The following DAAM2 variants were observed in gnomAD, a reference collection of about 807,000 sequenced individuals.
DAAM2 encodes the protein dishevelled associated activator of morphogenesis 2.
A neutral mutation model predicts 120.7 loss-of-function variants in DAAM2; 39 were observed. The ratio of observed to expected loss-of-function variants is 0.32; its 90% CI spans 0.25 to 0.42. The LOEUF (loss-of-function observed/expected upper bound fraction) is 0.42, where lower values mean the gene tolerates loss of function less well. Ranked by LOEUF, DAAM2 falls within the 10% of genes least tolerant of loss-of-function variation. The pLI is 1.00. For synonymous variants in DAAM2, 488 were observed against 524.9 expected (o/e 0.93, Z 0.96); for missense variants, 1,283 against 1,401.7 (o/e 0.92, Z 1.35).
chr6:39,813,558 C>CT (rs891474070), intron 1 of DAAM2, among the ~76,000 whole-genome samples: 2 of 151,742 alleles, frequency 1.3e-5, no homozygotes, highest in African/African-American at 4.8e-5. Flanking sequence ...TATGAAGTTG[C>CT]TTTTTTTAAA....
At chr6:39,892,305 A>G (rs57974621) in intron 19 of DAAM2, among the ~76,000 whole-genome samples, 7,453 of 152,276 alleles carry the variant, frequency 0.049, 535 homozygotes, top group East Asian at 0.2. Flanking sequence ...TTTGGTCATC[A>G]CAGCAATCGC....
chr6:39,886,657 T>C, intron 15 of DAAM2: 2 of 390,956 alleles, frequency 5.1e-6, no homozygotes, highest in Non-Finnish European at 9.0e-6. Flanking sequence ...GCAGTGGAGG[T>C]CAATGTCTCC....
intron 8 of DAAM2, 45 bp from the exon 9 acceptor site, chr6:39,871,461 T>C (rs1229841527): frequency 1.3e-6 from 2 of 1,520,976 alleles, no homozygotes; most frequent in East Asian, 4.9e-5. Flanking sequence ...CAAGGGTGTG[T>C]CCTGGCTGTA....
At chr6:39,829,711 T>C (rs912698343) in intron 1 of DAAM2, among the ~76,000 whole-genome samples, 15 of 152,210 alleles carry the variant, frequency 9.9e-5, no homozygotes, top group African/African-American at 3.6e-4. Flanking sequence ...CTGCCATATA[T>C]GCCTGTCCTC....
intron 1 of DAAM2, among the ~76,000 whole-genome samples, chr6:39,817,721 C>T (rs1762349292): frequency 6.6e-6 from 1 of 152,158 alleles, no homozygotes; most frequent in Non-Finnish European, 1.5e-5. Flanking sequence ...GATGTTGCAG[C>T]TCAAGACTGA....
Position 39,865,036 on chromosome 6 carries a change from G to A in DAAM2, c.390G>A (p.Val130=). The A allele has an allele frequency of 6.2e-7, 1 of 1,606,506 alleles. No individual in the cohort carries two copies. The highest frequency in any genetic ancestry group is 1.1e-5 in the South Asian group (1 of 89,078). Residue 130 remains valine (V), a synonymous_variant, in exon 5 of 25, where the codon GTG becomes GTA. Transcript: ENST00000274867. ...AGACGGAGATGAGGAACCAAGTCGT[G>A]GAAGACCTGAAGACAGCCCTCCGGA... The part of the protein sequence containing the change: ...EEETEMRNQV[V]EDLKTALRTQ...
chr6:39,901,450 G>T lies in DAAM2; in HGVS notation c.2960G>T (p.Arg987Leu), dbSNP rs375987274. The change falls in exon 24 of 25, where the codon CGG becomes CTG. Residue 987 changes from arginine to leucine, a missense_variant. Physicochemically the swap from Arg to Leu is moderately radical, Grantham distance 102. Coordinates refer to ENST00000274867, the MANE Select transcript of DAAM2 (RefSeq NM_001201427.2). The surrounding 1 kb of genome is among the most constrained non-coding windows in gnomAD (Gnocchi z 4.5). ...AGGAGGAGGAAGGAGGAGGAGGAGC[G>T]GCGGGCGCGCATGGAAGCCATGGTG... The part of the protein sequence containing the change: ...AMRRRKEEEE[R>L]RARMEAMLKE... The T allele has an allele frequency of 8.7e-6, 14 of 1,610,152 alleles. No individual in the cohort carries two copies. Among genetic ancestry groups the T allele is most frequent in the Non-Finnish European group, 1.2e-5 (14 of 1,179,706 alleles).
intron 1 of DAAM2, among the ~76,000 whole-genome samples, chr6:39,828,498 C>T (rs1186416302): frequency 1.3e-5 from 2 of 151,870 alleles, no homozygotes; most frequent in African/African-American, 4.8e-5. Context: ...GGGAAGAACA[C>T]TGTGTCCTTA....
At chr6:39,815,651 TACACACACACAC>T (rs56736428) in intron 1 of DAAM2, among the ~76,000 whole-genome samples, 132 of 149,072 alleles carry the variant, frequency 8.9e-4, no homozygotes, top group Middle Eastern at 3.4e-3. Context: ...ACCCCTGGTT[TACACACACACAC>T]ACACACACAC....
At chr6:39,820,156 G>C (rs1048445705) in intron 1 of DAAM2, 1 of 143,410 alleles carries the variant, frequency 7.0e-6, no homozygotes, top group Non-Finnish European at 1.5e-5. Context: ...CAGCGTGCTG[G>C]AGAGGCTTAT....
chr6:39,880,734 A>C (rs933447708), intron 14 of DAAM2, among the ~76,000 whole-genome samples: 3 of 152,202 alleles, frequency 2.0e-5, no homozygotes, highest in Non-Finnish European at 4.4e-5. Flanking sequence ...GATGAAGCAT[A>C]AACACAGTCC....
chr6:39,900,352 A>G, intron 23 of DAAM2, 144 bp downstream of exon 23: 1 of 926,748 alleles, frequency 1.1e-6, no homozygotes, highest in Non-Finnish European at 1.6e-6. Context: ...GCTCTTAACA[A>G]GACAAGCAAT....
intron 15 of DAAM2, 107 bp from the exon 16 acceptor site, chr6:39,887,379 C>A: frequency 1.4e-6 from 1 of 716,500 alleles, no homozygotes; most frequent in South Asian, 1.8e-5. Context: ...CCCTTCCCCT[C>A]ACACCAGGAG....
chr6:39,858,141 G>A (rs958933556), intron 2 of DAAM2, among the ~76,000 whole-genome samples: 1 of 152,184 alleles, frequency 6.6e-6, no homozygotes, highest in African/African-American at 2.4e-5. Context: ...GAAAGGAGCT[G>A]GGTCCTTTTG....
chr6:39,871,305 C>T (rs951930049), intron 8 of DAAM2, among the ~76,000 whole-genome samples: 1 of 152,072 alleles, frequency 6.6e-6, no homozygotes, highest in Non-Finnish European at 1.5e-5. Flanking sequence ...GATTGGCCTC[C>T]CTGAAGGAAG....
In DAAM2 at chr6:39,896,807, C is replaced by A; in HGVS notation, c.2342-5C>A. On this transcript the variant is annotated splice_polypyrimidine_tract_variant and splice_region_variant and intron_variant, in intron 19 of 24. Transcript: ENST00000274867. ...CAGGCCTCTGACCTGTGCCTCCTCT[C>A]CCAGCCATCCTGTTGGCCTCCCGGG... 1 of 1,585,510 alleles carries A rather than the reference C, an allele frequency of 6.3e-7. No individual in the cohort carries two copies. The highest frequency in any genetic ancestry group is 1.2e-5 in the South Asian group (1 of 86,656).
intron 1 of DAAM2, among the ~76,000 whole-genome samples, chr6:39,817,594 G>A (rs1413219390): frequency 1.3e-5 from 2 of 152,136 alleles, no homozygotes; most frequent in Non-Finnish European, 2.9e-5. Context: ...AGAACCAATA[G>A]GATCTCTCTC....
chr6:39,901,676 G>A lies in DAAM2; in HGVS notation c.2983-137G>A. 1.0e-6 allele frequency: 1 copy of A among 999,034 alleles called. No homozygotes were observed. The highest frequency in any genetic ancestry group is 1.4e-6 in the Non-Finnish European group (1 of 701,122). The allele number at this position is 999,034 out of a possible 1,614,324, so 61.9% of individuals were successfully genotyped here. A position where few individuals can be genotyped will look rare whatever the true frequency, so the allele number is the denominator to read the frequency against. ...TGAAGCTGGGGGCCTGTATGTCCTAGGCAGGAAGAAAGTGGGGCCAACAGA... is the reference window on the plus strand; with the variant it reads ...TGAAGCTGGGGGCCTGTATGTCCTAAGCAGGAAGAAAGTGGGGCCAACAGA... On this transcript the variant is annotated intron_variant, in intron 24 of 24. Transcript: ENST00000274867. The surrounding 1 kb of genome is among the most constrained non-coding windows in gnomAD (Gnocchi z 4.5).
chr6:39,896,001 A>T (rs1185975699), intron 19 of DAAM2, among the ~76,000 whole-genome samples: 1 of 152,182 alleles, frequency 6.6e-6, no homozygotes, highest in Non-Finnish European at 1.5e-5. Context: ...GAACAAAAAT[A>T]ATAGAATATT....
Sources: allele counts gnomAD v4.1 joint callset (sites outside exome capture counted in the v4.1 genomes callset), GRCh38; gene constraint gnomAD v4.1.1; non-coding constraint Gnocchi (gnomAD v3.1); transcripts MANE v1.5; gene names NCBI Gene and HGNC (gene_info 2026-07-23, HGNC 2026-07-21).